The following IGF2BP3 variants were observed in gnomAD, a reference collection of about 807,000 sequenced individuals.
The protein encoded by IGF2BP3 is insulin-like growth factor 2 mRNA-binding protein 3.
A neutral mutation model predicts 73.8 loss-of-function variants in IGF2BP3; 9 were observed. The ratio of observed to expected loss-of-function variants is 0.12; its 90% confidence interval spans 0.07 to 0.21. IGF2BP3 has a LOEUF of 0.21. Among genes scored for constraint, IGF2BP3 ranks in the 10% least tolerant of loss-of-function variants. IGF2BP3 has a pLI of 1.00. For missense variants in IGF2BP3, 542 were observed against 714.0 expected (o/e 0.76, Z 2.75); for synonymous variants, 258 against 256.7 (o/e 1.01, Z -0.05).
At chr7:23,457,761 C>A (rs1391314411) in intron 2 of IGF2BP3, among the ~76,000 whole-genome samples, 3 of 152,176 alleles carry the variant, frequency 2.0e-5, no homozygotes, top group Non-Finnish European at 4.4e-5. Context: ...TGTAAGCAAG[C>A]CCTGGGAACT....
rs142596949 is a variant in IGF2BP3 at position 23,370,834 on chromosome 7, C to T, written c.286-9093G>A. ...CTGGGATTACAGGCGTGTGCCACCA[C>T]GCCCAGCTAATTTTTTGTATTTTTA... On this transcript the variant is annotated intron_variant, in intron 3 of 14. Transcript: ENST00000258729. Among the ~76,000 whole-genome samples, 1,028 of 152,096 alleles carry T rather than the reference C, an allele frequency of 6.8e-3. 15 individuals carry two copies. Among genetic ancestry groups the T allele is most frequent in the African/African-American group, 0.022 (928 of 41,482 alleles).
intron 6 of IGF2BP3, among the ~76,000 whole-genome samples, chr7:23,349,813 A>T (rs1171186455): frequency 6.6e-6 from 1 of 152,236 alleles, no homozygotes; most frequent in African/African-American, 2.4e-5. Flanking sequence ...TCTGACAGGG[A>T]AATGAGTAGC....
At chr7:23,328,713 C>G (rs548535522) in intron 10 of IGF2BP3, among the ~76,000 whole-genome samples, 11 of 152,242 alleles carry the variant, frequency 7.2e-5, no homozygotes, top group Non-Finnish European at 1.6e-4. Context: ...ATCACAAAAA[C>G]TTATACATGA....
chr7:23,446,343 C>T (rs570903873), intron 2 of IGF2BP3, among the ~76,000 whole-genome samples: 1 of 152,240 alleles, frequency 6.6e-6, no homozygotes, highest in South Asian at 2.1e-4. Context: ...GGGTGGATTA[C>T]CCGAAGTCAG....
intron 3 of IGF2BP3, among the ~76,000 whole-genome samples, chr7:23,403,948 C>T (rs1014057825): frequency 6.6e-6 from 1 of 151,480 alleles, no homozygotes; most frequent in Non-Finnish European, 1.5e-5. Flanking sequence ...TGTAGCAAGA[C>T]CCTGTTTGTA....
chr7:23,393,597 G>A (rs1786354224), intron 3 of IGF2BP3, among the ~76,000 whole-genome samples: 1 of 152,154 alleles, frequency 6.6e-6, no homozygotes, highest in African/African-American at 2.4e-5. Flanking sequence ...TGAGTGGTCT[G>A]GAGAGTTTCT....
intron 2 of IGF2BP3, among the ~76,000 whole-genome samples, chr7:23,438,388 T>G (rs1787853296): frequency 6.6e-6 from 1 of 152,076 alleles, no homozygotes; most frequent in African/African-American, 2.4e-5. Flanking sequence ...GTGCTGGAAT[T>G]ACAGGCATGA....
intron 2 of IGF2BP3, among the ~76,000 whole-genome samples, chr7:23,460,718 G>C (rs1788430983): frequency 6.6e-6 from 1 of 152,154 alleles, no homozygotes; most frequent in Admixed American, 6.5e-5. Flanking sequence ...GGGAGGCCGA[G>C]ACAGGTGGAT....
intron 3 of IGF2BP3, among the ~76,000 whole-genome samples, chr7:23,364,531 G>C (rs1332380886): frequency 4.1e-4 from 44 of 108,622 alleles, no homozygotes; most frequent in Admixed American, 2.5e-4. Flanking sequence ...CTGGGAAACA[G>C]AGCGAGACTT....
chr7:23,453,308 A>G (rs983790495), intron 2 of IGF2BP3, among the ~76,000 whole-genome samples: 8 of 152,250 alleles, frequency 5.3e-5, no homozygotes, highest in South Asian at 4.1e-4. Flanking sequence ...TTCCCCTTCT[A>G]CAACTCAAAG....
At chr7:23,381,306 G>A (rs1001669709) in intron 3 of IGF2BP3, among the ~76,000 whole-genome samples, 6 of 152,132 alleles carry the variant, frequency 3.9e-5, no homozygotes, top group African/African-American at 7.2e-5. Context: ...CATGCCCAGC[G>A]GGACAGGAAA....
intron 3 of IGF2BP3, chr7:23,413,304 A>AG (rs1787087579): frequency 2.0e-5 from 3 of 152,182 alleles, no homozygotes; most frequent in Non-Finnish European, 4.4e-5. Flanking sequence ...AACATGGTGT[A>AG]GCCCTGTCTC....
chr7:23,396,050 T>C (rs1312820853), intron 3 of IGF2BP3, among the ~76,000 whole-genome samples: 2 of 151,860 alleles, frequency 1.3e-5, no homozygotes, highest in Admixed American at 1.3e-4. Flanking sequence ...AGTTTTTTTT[T>C]TTTTTTTTAA....
intron 10 of IGF2BP3, among the ~76,000 whole-genome samples, chr7:23,327,071 T>C (rs1222283921): frequency 6.6e-6 from 1 of 150,664 alleles, no homozygotes; most frequent in Non-Finnish European, 1.5e-5. Flanking sequence ...GTATAATAAA[T>C]AAATTAATTA....
At chr7:23,415,191 C>T (rs1288754993) in intron 3 of IGF2BP3, 3 of 230,750 alleles carry the variant, frequency 1.3e-5, no homozygotes, top group East Asian at 3.7e-4. Context: ...CAGTCGGCTT[C>T]ACTGCAACAC....
In IGF2BP3 at chr7:23,456,435, G is replaced by T. The variant is rs571821248; in HGVS notation, c.236+12047C>A. Among the ~76,000 whole-genome samples the T allele has an allele frequency of 8.5e-5, 13 of 152,304 alleles. No homozygotes were observed. The South Asian group carries it at 2.5e-3, about 29-fold the overall frequency. ...GACCTTCTTGAAGTTTCCTCCGCAA[G>T]AAACTACTGTTAGTTTCTGAAGTAG... is the stretch of plus-strand genomic sequence containing the variant. On this transcript the variant is annotated intron_variant, in intron 2 of 14. Transcript: ENST00000258729.
At chr7:23,320,537 A>G (rs76109075) in intron 10 of IGF2BP3, among the ~76,000 whole-genome samples, 3,981 of 152,052 alleles carry the variant, frequency 0.026, 160 homozygotes, top group African/African-American at 0.086. Flanking sequence ...TTCTAACAAT[A>G]TAGTGAGAAA....
chr7:23,364,938 G>A (rs1785331705), intron 3 of IGF2BP3, among the ~76,000 whole-genome samples: 1 of 152,180 alleles, frequency 6.6e-6, no homozygotes, highest in Admixed American at 6.5e-5. Flanking sequence ...GGCCGAGGCA[G>A]GTGGATCACT....
At chr7:23,385,617 G>T (rs919104402) in intron 3 of IGF2BP3, among the ~76,000 whole-genome samples, 3 of 152,034 alleles carry the variant, frequency 2.0e-5, no homozygotes, top group African/African-American at 7.2e-5. Context: ...GGTAGGGGGT[G>T]GGGGGAAGAT....
Sources: gnomAD v4.1 joint callset for allele counts (sites outside exome capture counted in the v4.1 genomes callset) on GRCh38, gnomAD v4.1.1 for gene constraint, MANE v1.5 for transcripts, NCBI Gene and HGNC (gene_info 2026-07-23, HGNC 2026-07-21) for gene names.